The following IL1RAP variants were observed in gnomAD, a reference collection of about 807,000 sequenced individuals.
IL1RAP encodes interleukin 1 receptor accessory protein, also known as interleukin-1 receptor accessory protein.
A neutral mutation model predicts 60.7 loss-of-function variants in IL1RAP; 35 were observed. That is an observed-to-expected ratio of 0.58 (90% CI 0.44 to 0.76). The LOEUF is 0.76. IL1RAP is among the 30% of genes least tolerant of loss of function. The pLI, the probability that IL1RAP is intolerant of heterozygous loss-of-function variation, is 0.00. For missense variants in IL1RAP, 572 were observed against 693.9 expected, an observed-to-expected ratio of 0.82 and a Z score of 1.97; for synonymous variants, 268 against 250.9, an observed-to-expected ratio of 1.07 and a Z score of -0.64.
At chr3:190,524,838 A>G (rs2108519430) in intron 1 of IL1RAP, among the ~76,000 whole-genome samples, 1 of 152,320 alleles carries the variant, frequency 6.6e-6, no homozygotes, top group Non-Finnish European at 1.5e-5. Context: ...TAATATTCAA[A>G]TAAAATTTGA....
intron 1 of IL1RAP, among the ~76,000 whole-genome samples, chr3:190,514,834 C>T (rs760955209): frequency 2.0e-5 from 3 of 152,184 alleles, no homozygotes; most frequent in African/African-American, 7.2e-5. Context: ...TTCCCAGCCC[C>T]GGAGGAAGCG....
At chr3:190,630,057 G>T in intron 9 of IL1RAP, 1 of 791,492 alleles carries the variant, frequency 1.3e-6, no homozygotes, top group Non-Finnish European at 1.5e-6. Flanking sequence ...ACTAATTAAG[G>T]TATTGAATGT....
chr3:190,526,640 G>C (rs1433408889), intron 1 of IL1RAP, among the ~76,000 whole-genome samples: 3 of 152,102 alleles, frequency 2.0e-5, no homozygotes, highest in Non-Finnish European at 2.9e-5. Flanking sequence ...ACAAATGTAG[G>C]GCCATTGTGA....
At chr3:190,518,544 A>G (rs1236454582) in intron 1 of IL1RAP, 1 of 152,170 alleles carries the variant, frequency 6.6e-6, no homozygotes, top group Admixed American at 6.6e-5. Context: ...AGCATGGCCT[A>G]TGTATTAGTC....
At chr3:190,656,537 C>T in exon 12 of IL1RAP, 1 of 1,537,266 alleles carries the variant, frequency 6.5e-7, no homozygotes, top group Non-Finnish European at 8.7e-7. Context: ...CCCCCTGCTC[C>T]CCAGATCTCA....
At chr3:190,515,509 C>A (rs114123845) in intron 1 of IL1RAP, among the ~76,000 whole-genome samples, 2 of 151,930 alleles carry the variant, frequency 1.3e-5, no homozygotes, top group African/African-American at 4.8e-5. Flanking sequence ...TGAATTTGAG[C>A]AACTCTTTTA....
intron 3 of IL1RAP, among the ~76,000 whole-genome samples, chr3:190,572,094 T>C (rs1341738539): frequency 1.3e-5 from 2 of 152,200 alleles, no homozygotes. Context: ...ACTTATCTGA[T>C]GACCAGATGC....
intron 1 of IL1RAP, among the ~76,000 whole-genome samples, chr3:190,548,550 A>G (rs1041384640): frequency 6.6e-6 from 1 of 152,208 alleles, no homozygotes; most frequent in Admixed American, 6.5e-5. Flanking sequence ...ATATGTACTT[A>G]TTGCATAACA....
intron 3 of IL1RAP, among the ~76,000 whole-genome samples, chr3:190,602,515 A>G (rs1729950750): frequency 6.6e-6 from 1 of 152,180 alleles, no homozygotes; most frequent in South Asian, 2.1e-4. Flanking sequence ...AAACTATCAA[A>G]CATAAGAATA....
Position 190,648,612 on chromosome 3 carries a change from G to T in IL1RAP, c.1620G>T (p.Lys540Asn). Residue 540 changes from lysine (K) to asparagine (N), a missense_variant, in exon 12 of 12, where the codon AAG (lysine) becomes AAT (asparagine). Lys to Asn is a moderately conservative substitution (Grantham distance 94, BLOSUM62 0). Transcript: ENST00000447382. ...KSKYPQGRFW[K>N]QLQVAMPVKK... ...AGTATCCACAGGGCAGGTTCTGGAA[G>T]CAGCTGCAGGTGGCCATGCCAGTGA... The T allele has an allele frequency of 6.2e-7, 1 of 1,614,214 alleles. No individual in the cohort carries two copies. The highest frequency in any genetic ancestry group is 1.1e-5 in the South Asian group (1 of 91,084).
Position 190,648,772 on chromosome 3 carries a change from A to C in IL1RAP, c.*67A>C, listed in dbSNP as rs1361719587. On this transcript the variant is annotated 3_prime_UTR_variant, in exon 12 of 12. Coordinates refer to ENST00000447382, the MANE Select transcript of IL1RAP (RefSeq NM_002182.4). ...GGAAGAAAGAGTCCCCCCAGTCTTCATTCGCAGTTTATGGTTTCATAGGCA... is the reference window on the plus strand; with the variant it reads ...GGAAGAAAGAGTCCCCCCAGTCTTCCTTCGCAGTTTATGGTTTCATAGGCA... 5.9e-6 allele frequency: 9 copies of C among 1,524,066 alleles called. No homozygotes were observed. The East Asian group carries it at 1.4e-4, about 23-fold the overall frequency. 94.4% of individuals were successfully genotyped at this position (1,524,066 alleles called of 1,614,324 possible).
chr3:190,554,761 G>C (rs1278512190), intron 1 of IL1RAP: 7 of 149,168 alleles, frequency 4.7e-5, no homozygotes, highest in African/African-American at 1.7e-4. Context: ...GTGTGTGTGT[G>C]TGTCTCTAAC....
At chr3:190,530,160 C>T (rs925452047) in intron 1 of IL1RAP, among the ~76,000 whole-genome samples, 1 of 152,124 alleles carries the variant, frequency 6.6e-6, no homozygotes, top group South Asian at 2.1e-4. Flanking sequence ...AAACAGGAAC[C>T]TGCCCTGGAG....
chr3:190,630,887 A>G (rs1410032301), intron 9 of IL1RAP, among the ~76,000 whole-genome samples: 1 of 152,202 alleles, frequency 6.6e-6, no homozygotes, highest in Non-Finnish European at 1.5e-5. Flanking sequence ...CAATAATACC[A>G]CTACCTTATA....
intron 1 of IL1RAP, among the ~76,000 whole-genome samples, chr3:190,535,533 G>A (rs955030546): frequency 3.9e-5 from 6 of 152,044 alleles, no homozygotes; most frequent in African/African-American, 1.5e-4. Flanking sequence ...CCAAACAACA[G>A]CAATTAACTA....
chr3:190,655,757 A>AAC, downstream of IL1RAP: 1 of 685,626 alleles, frequency 1.5e-6, no homozygotes. Flanking sequence ...TGACTGGGTA[A>AAC]ATTATTCAGC....
intron 6 of IL1RAP, among the ~76,000 whole-genome samples, chr3:190,622,175 A>T (rs1215525264): frequency 6.6e-6 from 1 of 152,256 alleles, no homozygotes; most frequent in African/African-American, 2.4e-5. Context: ...ATTAGGTATT[A>T]TGCAACATAA....
chr3:190,575,376 G>C (rs902164780), intron 3 of IL1RAP, among the ~76,000 whole-genome samples: 1 of 152,156 alleles, frequency 6.6e-6, no homozygotes, highest in Non-Finnish European at 1.5e-5. Context: ...ATGGCTTCAA[G>C]TCTTTTCTTA....
chr3:190,590,055 A>G (rs769220430), intron 3 of IL1RAP, among the ~76,000 whole-genome samples: 45 of 152,350 alleles, frequency 3.0e-4, no homozygotes, highest in Non-Finnish European at 5.7e-4. Flanking sequence ...CTCATCTGTA[A>G]TAATCCACAT....
Sources: allele counts gnomAD v4.1 joint callset (sites outside exome capture counted in the v4.1 genomes callset), GRCh38; gene constraint gnomAD v4.1.1; transcripts MANE v1.5; gene names NCBI Gene and HGNC (gene_info 2026-07-23, HGNC 2026-07-21).